Variants in PIGN observed in about 807,000 individuals in gnomAD.
The protein encoded by PIGN is GPI ethanolamine phosphate transferase 1.
Under a neutral mutation model 125.4 loss-of-function variants are expected in PIGN, and 117 were observed. The ratio of observed to expected loss-of-function variants is 0.93; its 90% CI spans 0.80 to 1.09. The LOEUF is 1.09. PIGN is among the 50% of genes least tolerant of loss of function. The pLI is 0.00. For synonymous variants in PIGN, 392 were observed against 377.8 expected (o/e 1.04, Z -0.44); for missense variants, 1,075 against 1,094.9 (o/e 0.98, Z 0.26).
At chr18:62,093,152 G>A (rs765905142) in intron 23 of PIGN, among the ~76,000 whole-genome samples, 109 of 152,062 alleles carry the variant, frequency 7.2e-4, no homozygotes, top group Middle Eastern at 3.4e-3. Context: ...AAAGGCAACC[G>A]TCATTTTTTT....
At chr18:62,108,028 A>G (rs2034721348) in intron 17 of PIGN, among the ~76,000 whole-genome samples, 1 of 152,228 alleles carries the variant, frequency 6.6e-6, no homozygotes, top group African/African-American at 2.4e-5. Context: ...TAAGTAGGTA[A>G]TTTTAGAAGG....
chr18:62,081,439 G>A (rs1348464204), intron 28 of PIGN, among the ~76,000 whole-genome samples: 1 of 152,076 alleles, frequency 6.6e-6, no homozygotes, highest in East Asian at 1.9e-4. Flanking sequence ...GTGATATCCA[G>A]GAAGAAATGT....
At chr18:62,108,148 G>A (rs2034725842) in intron 17 of PIGN, among the ~76,000 whole-genome samples, 1 of 152,166 alleles carries the variant, frequency 6.6e-6, no homozygotes, top group African/African-American at 2.4e-5. Flanking sequence ...CCAGTCAAAA[G>A]GGGAATGTTT....
chr18:62,175,405 C>T (rs1183796764), intron 1 of PIGN, among the ~76,000 whole-genome samples: 1 of 152,164 alleles, frequency 6.6e-6, no homozygotes, highest in Non-Finnish European at 1.5e-5. Flanking sequence ...CCCCAAAACT[C>T]AGATTAAAGG....
chr18:62,018,523 T>G (rs2030010268), intron 23 of PIGN, among the ~76,000 whole-genome samples: 1 of 152,242 alleles, frequency 6.6e-6, no homozygotes, highest in Non-Finnish European at 1.5e-5. Context: ...CATACTGTGC[T>G]AACTTACCAC....
chr18:62,151,756 G>A (rs530554674), intron 7 of PIGN, among the ~76,000 whole-genome samples: 4 of 152,176 alleles, frequency 2.6e-5, no homozygotes, highest in African/African-American at 4.8e-5. Flanking sequence ...ACCCCCAGTC[G>A]AAGTTTTTCT....
chr18:62,025,026 T>C (rs1371230162), intron 23 of PIGN, among the ~76,000 whole-genome samples: 1 of 152,190 alleles, frequency 6.6e-6, no homozygotes, highest in East Asian at 1.9e-4. Context: ...TTGATCTGTG[T>C]CTATAATGGA....
chr18:62,085,486 C>A (rs761531042), intron 25 of PIGN, among the ~76,000 whole-genome samples: 5 of 152,024 alleles, frequency 3.3e-5, no homozygotes, highest in Non-Finnish European at 7.4e-5. Flanking sequence ...GAGAGGTCAT[C>A]CTCACTCAGT....
intron 23 of PIGN, among the ~76,000 whole-genome samples, chr18:62,030,173 C>T (rs2030175846): frequency 6.6e-6 from 1 of 152,226 alleles, no homozygotes; most frequent in African/African-American, 2.4e-5. Context: ...AGGGGCTTAA[C>T]AAGTGAAATG....
Position 62,106,991 on chromosome 18 carries a change from C to A in PIGN, c.1669G>T (p.Val557Leu), listed in dbSNP as rs1187980465. Residue 557 changes from valine to leucine, a missense_variant, in exon 18 of 31, where the codon GTA (valine) becomes TTA (leucine). Val to Leu is a conservative substitution (Grantham distance 32). Coordinates refer to ENST00000640252, the MANE Select transcript of PIGN (RefSeq NM_176787.5). ...YLLAFTLGIE[V>L]LVLSFFYRYM... ...TAATCTGGTAAGTTACTTACTAATACTTCAATTCCCAGGGTAAAGGCTAAC... is the reference window on the plus strand; with the variant it reads ...TAATCTGGTAAGTTACTTACTAATAATTCAATTCCCAGGGTAAAGGCTAAC... The A allele has an allele frequency of 2.5e-6, 4 of 1,576,216 alleles. No homozygotes were observed. The highest frequency in any genetic ancestry group is 1.8e-5 in the Admixed American group (1 of 55,420).
At chr18:62,137,145 A>G in intron 14 of PIGN, 1 of 398,660 alleles carries the variant, frequency 2.5e-6, no homozygotes, top group Non-Finnish European at 4.4e-6. Context: ...ATGTGGAATG[A>G]GCAGACTTGC....
At chr18:62,178,990 T>C (rs1008033471) in intron 1 of PIGN, among the ~76,000 whole-genome samples, 2 of 152,200 alleles carry the variant, frequency 1.3e-5, no homozygotes, top group Non-Finnish European at 2.9e-5. Context: ...TGTGATAATT[T>C]CTCAGACTTT....
At chr18:62,064,259 T>C (rs2053807161) in intron 30 of PIGN, among the ~76,000 whole-genome samples, 1 of 152,192 alleles carries the variant, frequency 6.6e-6, no homozygotes, top group Admixed American at 6.5e-5. Flanking sequence ...AAACCTATAT[T>C]AGGCCATAAC....
chr18:62,072,749 ATG>A, intron 29 of PIGN, 24 bp from the exon 30 acceptor site: 4 of 1,523,270 alleles, frequency 2.6e-6, no homozygotes, highest in Non-Finnish European at 3.6e-6. Flanking sequence ...AAAAGGCTTA[ATG>A]AAAAACAAAG....
At chr18:62,096,516 C>CTTTTTTTTTTTTTT (rs398033140) in intron 22 of PIGN, among the ~76,000 whole-genome samples, 15 of 85,650 alleles carry the variant, frequency 1.8e-4, no homozygotes, top group African/African-American at 7.1e-4. Flanking sequence ...GAATTATTTT[C>CTTTTTTTTTTTTTT]TTTTTTTTTT....
chr18:62,094,718 G>T (rs549376076), intron 23 of PIGN, among the ~76,000 whole-genome samples: 2 of 152,208 alleles, frequency 1.3e-5, no homozygotes, highest in African/African-American at 4.8e-5. Context: ...AAATCTCAAA[G>T]GAAGCCTATC....
chr18:62,120,206 G>A (rs779067126), intron 14 of PIGN, among the ~76,000 whole-genome samples: 22 of 106,510 alleles, frequency 2.1e-4, no homozygotes, highest in Admixed American at 7.2e-4. Flanking sequence ...AAGCAGCTGG[G>A]GGAAGGGGAA....
chr18:62,046,003 A>G, intron 30 of PIGN, 24 bp from the exon 31 acceptor site: 1 of 1,606,020 alleles, frequency 6.2e-7, no homozygotes, highest in South Asian at 1.1e-5. Flanking sequence ...AAAAGATGTT[A>G]CAGGCAGAGA....
chr18:62,059,527 C>T (rs1414551630), intron 30 of PIGN, among the ~76,000 whole-genome samples: 1 of 152,124 alleles, frequency 6.6e-6, no homozygotes, highest in Non-Finnish European at 1.5e-5. Context: ...AAAAGTTACA[C>T]TAACTGGAAG....
Sources: gnomAD v4.1 joint callset for allele counts (sites outside exome capture counted in the v4.1 genomes callset) on GRCh38, gnomAD v4.1.1 for gene constraint, MANE v1.5 for transcripts, NCBI Gene and HGNC (gene_info 2026-07-23, HGNC 2026-07-21) for gene names.